The following SGCZ variants were observed in gnomAD, a reference collection of about 807,000 sequenced individuals.
SGCZ encodes sarcoglycan zeta, also known as zeta-sarcoglycan.
A neutral mutation model predicts 41.3 loss-of-function variants in SGCZ; 40 were observed. The ratio of observed to expected loss-of-function variants is 0.97; its 90% CI spans 0.75 to 1.26. SGCZ has a LOEUF of 1.26. Ranked by LOEUF, SGCZ falls within the 50% of genes most tolerant of loss-of-function variation. SGCZ has a pLI of 0.00. For missense variants in SGCZ, 552 were observed against 369.8 expected (o/e 1.49, Z -4.04); for synonymous variants, 206 against 137.5 (o/e 1.50, Z -3.49).
chr8:14,626,530 G>A (rs887968857), intron 1 of SGCZ, among the ~76,000 whole-genome samples: 2 of 152,026 alleles, frequency 1.3e-5, no homozygotes, highest in Admixed American at 1.3e-4. Context: ...TTGAAAATGG[G>A]GTCATTGCAA....
intron 4 of SGCZ, among the ~76,000 whole-genome samples, chr8:14,223,727 G>C (rs1342407513): frequency 1.3e-5 from 2 of 152,232 alleles, no homozygotes; most frequent in South Asian, 2.1e-4. Context: ...GATAAATCAA[G>C]TGATAACCCT....
chr8:14,381,421 T>A (rs766601754), intron 2 of SGCZ, among the ~76,000 whole-genome samples: 1 of 152,126 alleles, frequency 6.6e-6, no homozygotes, highest in Non-Finnish European at 1.5e-5. Context: ...TTTTACCACT[T>A]CCTGCCCCCT....
intron 5 of SGCZ, among the ~76,000 whole-genome samples, chr8:14,128,980 G>A (rs527982965): frequency 7.2e-5 from 11 of 152,216 alleles, no homozygotes; most frequent in Admixed American, 2.0e-4. Flanking sequence ...ATTTGGTACA[G>A]TGTACACTTT....
chr8:14,237,897 A>G (rs575033129), intron 3 of SGCZ, among the ~76,000 whole-genome samples: 1 of 152,292 alleles, frequency 6.6e-6, no homozygotes, highest in African/African-American at 2.4e-5. Context: ...AGTGGGTACT[A>G]ACTATCAGAT....
chr8:14,919,390 G>A (rs1371588133), intron 1 of SGCZ, among the ~76,000 whole-genome samples: 1 of 151,990 alleles, frequency 6.6e-6, no homozygotes, highest in African/African-American at 2.4e-5. Context: ...ACAGTGAGCC[G>A]AGATCGCACC....
chr8:14,607,418 T>C (rs181986233), intron 1 of SGCZ, among the ~76,000 whole-genome samples: 107 of 152,324 alleles, frequency 7.0e-4, no homozygotes, highest in Non-Finnish European at 1.3e-3. Flanking sequence ...CCCTATACTA[T>C]TAATCCAATT....
intron 1 of SGCZ, among the ~76,000 whole-genome samples, chr8:15,102,671 A>G (rs979946676): frequency 6.6e-6 from 1 of 152,224 alleles, no homozygotes; most frequent in Non-Finnish European, 1.5e-5. Flanking sequence ...TTTTCTATAA[A>G]TCTAATAATG....
chr8:14,786,832 G>A (rs1328038267), intron 1 of SGCZ, among the ~76,000 whole-genome samples: 1 of 122,482 alleles, frequency 8.2e-6, no homozygotes, highest in African/African-American at 3.3e-5. Context: ...GAGTTGGAAA[G>A]CAGGTTTAAA....
intron 4 of SGCZ, among the ~76,000 whole-genome samples, chr8:14,235,200 G>C (rs1428394169): frequency 6.6e-6 from 1 of 152,124 alleles, no homozygotes; most frequent in East Asian, 1.9e-4. Flanking sequence ...CTGTGGCTTT[G>C]TTTCAAATAT....
At chr8:14,331,431 C>G (rs955267021) in intron 2 of SGCZ, among the ~76,000 whole-genome samples, 11 of 151,918 alleles carry the variant, frequency 7.2e-5, no homozygotes, top group African/African-American at 2.4e-4. Flanking sequence ...AAAGAAAAAA[C>G]AAACAAAACA....
chr8:14,231,455 A>T (rs538413409), intron 4 of SGCZ, among the ~76,000 whole-genome samples: 8 of 151,936 alleles, frequency 5.3e-5, no homozygotes, highest in Non-Finnish European at 1.2e-4. Flanking sequence ...ATGTTTTGAG[A>T]TCTCACCTCA....
chr8:14,991,847 T>G (rs1802024329), intron 1 of SGCZ, among the ~76,000 whole-genome samples: 1 of 147,808 alleles, frequency 6.8e-6, no homozygotes, highest in Admixed American at 6.8e-5. Flanking sequence ...GACACACAAA[T>G]CTACCCCCAA....
chr8:14,326,700 G>A (rs183118935), intron 2 of SGCZ, among the ~76,000 whole-genome samples: 13 of 152,278 alleles, frequency 8.5e-5, no homozygotes, highest in Admixed American at 1.3e-4. Flanking sequence ...TTATTCAGAT[G>A]AGAAAATACA....
At chr8:14,434,268 G>C (rs567313343) in intron 2 of SGCZ, among the ~76,000 whole-genome samples, 4 of 152,114 alleles carry the variant, frequency 2.6e-5, no homozygotes, top group Non-Finnish European at 5.9e-5. Context: ...TCAAAGATCA[G>C]TTGGCTGTAA....
chr8:14,927,656 G>C (rs1250247882), intron 1 of SGCZ, among the ~76,000 whole-genome samples: 1 of 152,104 alleles, frequency 6.6e-6, no homozygotes, highest in Non-Finnish European at 1.5e-5. Context: ...ATATTTATTT[G>C]ATGAGGTTGT....
rs930712013 is a variant in SGCZ, at chr8:14,832,372, T to C, written c.40-277446A>G. 3.3e-5 allele frequency among the ~76,000 whole-genome samples: 5 copies of C among 152,296 alleles called. No individual in the cohort carries two copies. The South Asian group carries it at 1.0e-3, about 32-fold the overall frequency. On this transcript the variant is annotated intron_variant, in intron 1 of 7. Coordinates refer to ENST00000382080, the MANE Select transcript of SGCZ (RefSeq NM_139167.4). ...CTAAAAGATTGCTCAAGAACATCCCTGAATTTACACAAAATTCCATAATGC... is the reference window on the plus strand; with the variant it reads ...CTAAAAGATTGCTCAAGAACATCCCCGAATTTACACAAAATTCCATAATGC...
At chr8:14,907,510 C>T (rs572066108) in intron 1 of SGCZ, among the ~76,000 whole-genome samples, 2 of 152,100 alleles carry the variant, frequency 1.3e-5, no homozygotes, top group Admixed American at 6.5e-5. Flanking sequence ...TAAGAAGTGC[C>T]GCTTCAACTA....
intron 1 of SGCZ, among the ~76,000 whole-genome samples, chr8:14,557,656 C>T (rs577774594): frequency 6.6e-6 from 1 of 152,080 alleles, no homozygotes; most frequent in African/African-American, 2.4e-5. Context: ...TTGCCAATTA[C>T]CCCCACACCA....
intron 1 of SGCZ, among the ~76,000 whole-genome samples, chr8:14,935,785 C>T (rs142415489): frequency 6.6e-6 from 1 of 151,576 alleles, no homozygotes; most frequent in East Asian, 1.9e-4. Flanking sequence ...AATTATAAAA[C>T]AAAGGCTATT....
Sources: gnomAD v4.1 joint callset for allele counts (sites outside exome capture counted in the v4.1 genomes callset) on GRCh38, gnomAD v4.1.1 for gene constraint, MANE v1.5 for transcripts, NCBI Gene and HGNC (gene_info 2026-07-23, HGNC 2026-07-21) for gene names.